Variants in NGEF observed in about 807,000 individuals in gnomAD.
NGEF encodes neuronal guanine nucleotide exchange factor, also known as ephexin-1.
In NGEF, 31 loss-of-function variants were observed where a neutral mutation model predicts 80.9. That is an observed-to-expected ratio of 0.38 (90% CI 0.29 to 0.52). NGEF has a LOEUF of 0.52. Ranked by LOEUF, NGEF falls within the 20% of genes least tolerant of loss-of-function variation. The pLI, the probability that NGEF is intolerant of heterozygous loss-of-function variation, is 0.84. For synonymous variants in NGEF, 371 were observed against 370.2 expected, an observed-to-expected ratio of 1.00 and a Z score of -0.03; for missense variants, 709 against 926.2, an observed-to-expected ratio of 0.77 and a Z score of 3.04.
Position 232,892,748 on chromosome 2 carries a change from C to T in NGEF, c.1142+150G>A. On this transcript the variant is annotated intron_variant, in intron 7 of 14. Transcript: ENST00000264051. This position sits in a 1 kb window ranked among gnomAD's most constrained non-coding sequence, Gnocchi z 4.0. ...TGGGTTGGGACACTGTCACCAGTAT[C>T]CCTGGCCAACTCCGGTGGCTCATGT... 1 of 812,630 alleles carries T rather than the reference C, an allele frequency of 1.2e-6. No individual in the cohort carries two copies. The allele number at this position is 812,630 out of a possible 1,614,324, so 50.3% of individuals were successfully genotyped here.
At chr2:232,993,533 A>G (rs571509132) in intron 1 of NGEF, among the ~76,000 whole-genome samples, 1 of 152,158 alleles carries the variant, frequency 6.6e-6, no homozygotes, top group South Asian at 2.1e-4. Flanking sequence ...GATCAAACAT[A>G]GAGTTACCAT....
At chr2:232,882,854 G>GA (rs1691551740) in intron 12 of NGEF, among the ~76,000 whole-genome samples, 1 of 152,192 alleles carries the variant, frequency 6.6e-6, no homozygotes, top group Non-Finnish European at 1.5e-5. Flanking sequence ...CATTTAGCTT[G>GA]CTTGTCCCTC....
rs768125826 is a variant in NGEF, at chr2:232,974,855, G to A, written c.36C>T (p.Thr12=). The A allele has an allele frequency of 3.1e-6, 5 of 1,613,816 alleles. No homozygotes were observed. In the Admixed American group the frequency reaches 8.3e-5, roughly 27 times the overall value. Residue 12 remains threonine (T), a synonymous_variant, in exon 2 of 15, where the codon ACC becomes ACT. Transcript: ENST00000264051. ...ETRESEDLEK[T]RRKSASDQWN... ...ATTGATCACTTGCTGATTTCCTCCG[G>A]GTCTTTTCCAAATCTTCAGATTCCC...
In NGEF at chr2:232,888,120, A is replaced by T. The variant is rs531296515; in HGVS notation, c.1273-13T>A. On this transcript the variant is annotated splice_polypyrimidine_tract_variant and intron_variant, in intron 8 of 14. Transcript: ENST00000264051. The stretch of plus-strand genomic sequence containing the variant: ...TCTTCAGGATGTTCTATGCACAGAG[A>T]AAGGCTGCGTTAACTTTAATCTTTT... 6.4e-7 allele frequency: 1 copy of T among 1,570,558 alleles called. No individual in the cohort carries two copies. Among genetic ancestry groups the T allele is most frequent in the African/African-American group, 1.4e-5 (1 of 72,850 alleles).
At chr2:232,947,134 C>G (rs1352632693) in intron 3 of NGEF, among the ~76,000 whole-genome samples, 2 of 152,106 alleles carry the variant, frequency 1.3e-5, no homozygotes, top group Non-Finnish European at 2.9e-5. Context: ...TTATTAGTAG[C>G]AAAAGGAAAA....
intron 3 of NGEF, among the ~76,000 whole-genome samples, chr2:232,932,036 A>G (rs901706546): frequency 2.6e-5 from 4 of 152,156 alleles, no homozygotes; most frequent in African/African-American, 9.7e-5. Flanking sequence ...TAGAATGGTA[A>G]CTGGTATGGT....
At chr2:232,945,764 A>G (rs1211946751) in intron 3 of NGEF, among the ~76,000 whole-genome samples, 2 of 152,200 alleles carry the variant, frequency 1.3e-5, no homozygotes, top group Non-Finnish European at 2.9e-5. Flanking sequence ...CCTAGCAACC[A>G]AGACAATAGA....
intron 5 of NGEF, among the ~76,000 whole-genome samples, chr2:232,900,002 TCA>T (rs759579536): frequency 0.024 from 2,898 of 121,178 alleles, 183 homozygotes; most frequent in African/African-American, 0.037. Flanking sequence ...ACACACGCTC[TCA>T]CAGTCACTCA....
chr2:232,915,793 C>T (rs1338669954), intron 5 of NGEF, among the ~76,000 whole-genome samples: 2 of 152,108 alleles, frequency 1.3e-5, no homozygotes, highest in Non-Finnish European at 1.5e-5. Flanking sequence ...CAGGTTCAAG[C>T]GATTCTCCTG....
At chr2:232,967,207 T>TGAG (rs1275270618) in intron 3 of NGEF, among the ~76,000 whole-genome samples, 1 of 152,170 alleles carries the variant, frequency 6.6e-6, no homozygotes, top group Non-Finnish European at 1.5e-5. Flanking sequence ...TCCTGCCATG[T>TGAG]GAGACACCTG....
chr2:232,970,387 T>G, intron 2 of NGEF, 59 bp from the exon 3 acceptor site: 1 of 1,135,138 alleles, frequency 8.8e-7, no homozygotes, highest in Non-Finnish European at 1.3e-6. Flanking sequence ...TTTCAGGCAA[T>G]TCTCTGTAAG....
At chr2:232,946,607 G>A (rs565459065) in intron 3 of NGEF, among the ~76,000 whole-genome samples, 1 of 152,272 alleles carries the variant, frequency 6.6e-6, no homozygotes, top group East Asian at 1.9e-4. Flanking sequence ...GTAGTAACGA[G>A]CACATCTAAT....
intron 1 of NGEF, among the ~76,000 whole-genome samples, chr2:233,004,880 G>T (rs1695054886): frequency 6.6e-6 from 1 of 152,062 alleles, no homozygotes; most frequent in African/African-American, 2.4e-5. Flanking sequence ...AAATTTGGGT[G>T]ATGGTTACAC....
chr2:233,001,650 T>C (rs1372642757), intron 1 of NGEF, among the ~76,000 whole-genome samples: 1 of 152,226 alleles, frequency 6.6e-6, no homozygotes, highest in African/African-American at 2.4e-5. Context: ...AGTGAGTTTT[T>C]CAAGAGGCAG....
intron 3 of NGEF, among the ~76,000 whole-genome samples, chr2:232,961,946 T>C (rs953492938): frequency 1.4e-4 from 22 of 152,164 alleles, no homozygotes; most frequent in Non-Finnish European, 2.5e-4. Context: ...GGGGGCCTCA[T>C]GGCCCCCAAG....
intron 5 of NGEF, among the ~76,000 whole-genome samples, chr2:232,896,803 G>GGGGCGT (rs1380071775): frequency 1.1e-4 from 12 of 107,822 alleles, no homozygotes; most frequent in Admixed American, 1.8e-4. Flanking sequence ...GGTGAAGGTA[G>GGGGCGT]GGGTGAGGGT....
intron 3 of NGEF, among the ~76,000 whole-genome samples, chr2:232,932,185 G>GTTTTT (rs1262607674): frequency 2.1e-5 from 1 of 47,220 alleles, no homozygotes; most frequent in Non-Finnish European, 3.9e-5. Context: ...TTTTTTTTGA[G>GTTTTT]ACAGAATCTT....
intron 1 of NGEF, among the ~76,000 whole-genome samples, chr2:233,008,989 G>A (rs1391477747): frequency 6.6e-6 from 1 of 151,940 alleles, no homozygotes; most frequent in Non-Finnish European, 1.5e-5. Flanking sequence ...TAGAGACAGG[G>A]TTTTGCCATG....
chr2:232,944,726 A>AAC (rs988760226), intron 3 of NGEF, among the ~76,000 whole-genome samples: 6 of 108,722 alleles, frequency 5.5e-5, no homozygotes, highest in Admixed American at 4.7e-4. Context: ...GACTTTTCCG[A>AAC]ATATATATAT....
Sources: allele counts gnomAD v4.1 joint callset (sites outside exome capture counted in the v4.1 genomes callset), GRCh38; gene constraint gnomAD v4.1.1; non-coding constraint Gnocchi (gnomAD v3.1); transcripts MANE v1.5; gene names NCBI Gene and HGNC (gene_info 2026-07-23, HGNC 2026-07-21).